EPHA6: variants seen among roughly 807,000 people sequenced by gnomAD.
EPHA6 encodes the protein EPH receptor A6.
Under a neutral mutation model 112.0 loss-of-function variants are expected in EPHA6, and 50 were observed. The observed-to-expected ratio is 0.45, with a 90% confidence interval of 0.36 to 0.56. EPHA6 has a LOEUF of 0.56. EPHA6 is among the 20% of genes least tolerant of loss of function. The pLI is 0.00. For synonymous variants in EPHA6, 529 were observed against 490.7 expected, an observed-to-expected ratio of 1.08 and a Z score of -1.03; for missense variants, 1,280 against 1,417.4, an observed-to-expected ratio of 0.90 and a Z score of 1.56.
chr3:96,985,215 A>G (rs1332252311), intron 2 of EPHA6, among the ~76,000 whole-genome samples: 8 of 152,050 alleles, frequency 5.3e-5, no homozygotes, highest in African/African-American at 1.7e-4. Flanking sequence ...ATAATTCTTT[A>G]CTCCTATATG....
intron 13 of EPHA6, among the ~76,000 whole-genome samples, chr3:97,626,914 C>G (rs76537786): frequency 6.6e-6 from 1 of 151,838 alleles, no homozygotes; most frequent in East Asian, 1.9e-4. Context: ...GAAATGACAA[C>G]TTCCAGATGT....
At chr3:97,452,576 C>T (rs1217810112) in intron 7 of EPHA6, among the ~76,000 whole-genome samples, 1 of 151,552 alleles carries the variant, frequency 6.6e-6, no homozygotes, top group Non-Finnish European at 1.5e-5. Flanking sequence ...TGCCCCCTTC[C>T]TTCTTTAGAA....
chr3:97,456,247 C>CT (rs1204091444), intron 7 of EPHA6, among the ~76,000 whole-genome samples: 1 of 151,942 alleles, frequency 6.6e-6, no homozygotes, highest in East Asian at 1.9e-4. Flanking sequence ...TCTTTTGTTT[C>CT]TTTTTTTAAA....
intron 5 of EPHA6, among the ~76,000 whole-genome samples, chr3:97,380,590 T>A (rs1387093562): frequency 6.6e-6 from 1 of 152,176 alleles, no homozygotes; most frequent in African/African-American, 2.4e-5. Context: ...GTCTGAGATA[T>A]ACAATGGATA....
chr3:97,442,560 A>G (rs529389333), intron 6 of EPHA6, among the ~76,000 whole-genome samples: 4 of 152,190 alleles, frequency 2.6e-5, no homozygotes, highest in African/African-American at 9.6e-5. Flanking sequence ...ACAGGACGAG[A>G]CTCTGCCTCA....
At chr3:96,976,374 A>G (rs988630833) in intron 2 of EPHA6, among the ~76,000 whole-genome samples, 5 of 152,148 alleles carry the variant, frequency 3.3e-5, no homozygotes, top group African/African-American at 7.2e-5. Flanking sequence ...ATATTTTACT[A>G]TATAAACTAT....
intron 1 of EPHA6, among the ~76,000 whole-genome samples, chr3:96,820,102 G>C (rs2107213598): frequency 6.6e-6 from 1 of 152,176 alleles, no homozygotes; most frequent in Admixed American, 6.5e-5. Flanking sequence ...GTCTCGAAGA[G>C]AAATGAGCTT....
chr3:97,221,308 CAAAAAAAAAAAAAAAAAAA>C (rs57025573), intron 3 of EPHA6, among the ~76,000 whole-genome samples: 1 of 16,392 alleles, frequency 6.1e-5, no homozygotes, highest in Non-Finnish European at 1.8e-4. Flanking sequence ...GACTCTGTCT[CAAAAAAAAAAAAAAAAAAA>C]AAAAAAAAAA....
chr3:97,515,489 G>A (rs1455204813), intron 10 of EPHA6, among the ~76,000 whole-genome samples: 1 of 152,154 alleles, frequency 6.6e-6, no homozygotes, highest in Non-Finnish European at 1.5e-5. Flanking sequence ...TCTTCTGATG[G>A]AAGAAATGGA....
At chr3:97,034,990 T>G (rs542701829) in intron 3 of EPHA6, among the ~76,000 whole-genome samples, 3 of 152,094 alleles carry the variant, frequency 2.0e-5, no homozygotes, top group Admixed American at 1.3e-4. Context: ...TTCCAGAATA[T>G]TCTGCCAAAC....
intron 2 of EPHA6, among the ~76,000 whole-genome samples, chr3:96,884,121 G>A (rs1456564140): frequency 6.6e-6 from 1 of 152,102 alleles, no homozygotes; most frequent in African/African-American, 2.4e-5. Flanking sequence ...GGTGACTATG[G>A]CCTTACAGTG....
chr3:97,604,430 T>A (rs890134891), intron 12 of EPHA6, among the ~76,000 whole-genome samples: 1 of 151,706 alleles, frequency 6.6e-6, no homozygotes, highest in Non-Finnish European at 1.5e-5. Context: ...AATTTTACTT[T>A]CACTTAGCCA....
At chr3:97,621,364 A>G (rs1414477410) in intron 13 of EPHA6, among the ~76,000 whole-genome samples, 1 of 151,990 alleles carries the variant, frequency 6.6e-6, no homozygotes, top group Non-Finnish European at 1.5e-5. Flanking sequence ...ACAAGCCCCC[A>G]TGACACAACC....
intron 3 of EPHA6, among the ~76,000 whole-genome samples, chr3:97,128,830 A>G (rs1385242721): frequency 3.0e-5 from 4 of 131,808 alleles, no homozygotes; most frequent in Admixed American, 2.9e-4. Flanking sequence ...ATTTTTAGGT[A>G]TTTTTACACT....
At chr3:97,505,657 A>C (rs2092230625) in intron 10 of EPHA6, among the ~76,000 whole-genome samples, 1 of 152,198 alleles carries the variant, frequency 6.6e-6, no homozygotes, top group Non-Finnish European at 1.5e-5. Context: ...ATATGTGTGC[A>C]GGTGTCTTTA....
chr3:97,511,234 A>G (rs2092358875), intron 10 of EPHA6, among the ~76,000 whole-genome samples: 2 of 152,116 alleles, frequency 1.3e-5, no homozygotes, highest in African/African-American at 4.8e-5. Context: ...TGAAAAAAAA[A>G]AAACTTCTGC....
At chr3:97,103,453 T>C (rs761829150) in intron 3 of EPHA6, among the ~76,000 whole-genome samples, 6 of 151,880 alleles carry the variant, frequency 4.0e-5, no homozygotes, top group Admixed American at 6.6e-5. Flanking sequence ...GATGGTTGCA[T>C]GTGACATTAT....
intron 2 of EPHA6, among the ~76,000 whole-genome samples, chr3:96,944,128 C>G (rs562656255): frequency 3.3e-5 from 5 of 152,274 alleles, no homozygotes; most frequent in Middle Eastern, 6.8e-3. Flanking sequence ...TCACCATCTT[C>G]TCTCACAAAA....
intron 3 of EPHA6, among the ~76,000 whole-genome samples, chr3:97,030,340 C>T (rs1304674841): frequency 6.6e-6 from 1 of 152,076 alleles, no homozygotes; most frequent in Non-Finnish European, 1.5e-5. Context: ...GTTCCTGCCA[C>T]TCTCTGAGAA....
Sources: allele counts gnomAD v4.1 joint callset (sites outside exome capture counted in the v4.1 genomes callset), GRCh38; gene constraint gnomAD v4.1.1; transcripts MANE v1.5; gene names NCBI Gene and HGNC (gene_info 2026-07-23, HGNC 2026-07-21).